Variants in PCDH17 observed in about 807,000 individuals in gnomAD.
The protein encoded by PCDH17 is protocadherin-17.
Under a neutral mutation model 67.7 loss-of-function variants are expected in PCDH17, and 21 were observed. The observed-to-expected ratio is 0.31, with a 90% CI of 0.22 to 0.45. PCDH17 has a LOEUF of 0.45. Among genes scored for constraint, PCDH17 ranks in the 20% least tolerant of loss-of-function variants. PCDH17 has a pLI of 1.00. For missense variants in PCDH17, 1,471 were observed against 1,564.8 expected, an observed-to-expected ratio of 0.94 and a Z score of 1.01; for synonymous variants, 701 against 656.7, an observed-to-expected ratio of 1.07 and a Z score of -1.03.
chr13:57,676,219 T>C (rs1412980413), intron 3 of PCDH17, among the ~76,000 whole-genome samples: 1 of 151,750 alleles, frequency 6.6e-6, no homozygotes, highest in Non-Finnish European at 1.5e-5. Context: ...CCAGAGATGC[T>C]AGGAAAAAAA....
At chr13:57,636,197 T>C (rs1954820696) in intron 1 of PCDH17, among the ~76,000 whole-genome samples, 1 of 152,176 alleles carries the variant, frequency 6.6e-6, no homozygotes, top group Non-Finnish European at 1.5e-5. Context: ...ACAGAAAAAC[T>C]TCATTCTTGC....
chr13:57,644,307 A>T (rs1954939513), intron 1 of PCDH17, among the ~76,000 whole-genome samples: 2 of 151,646 alleles, frequency 1.3e-5, no homozygotes, highest in African/African-American at 4.8e-5. Context: ...CTGATATCAG[A>T]TGTGCCAATA....
At chr13:57,696,641 G>A (rs1431307082) in intron 3 of PCDH17, among the ~76,000 whole-genome samples, 1 of 151,366 alleles carries the variant, frequency 6.6e-6, no homozygotes, top group African/African-American at 2.4e-5. Context: ...ACATTTCAAA[G>A]AATTAGTAAT....
intron 3 of PCDH17, among the ~76,000 whole-genome samples, chr13:57,707,334 C>CGTGTGTGT (rs56840875): frequency 0.011 from 1,578 of 145,786 alleles, 27 homozygotes; most frequent in East Asian, 0.069. Context: ...GATATATGAC[C>CGTGTGTGT]GTGTGTGTGT....
intron 1 of PCDH17, among the ~76,000 whole-genome samples, chr13:57,659,131 G>GTGTA (rs1555284149): frequency 0.19 from 29,152 of 150,570 alleles, 3,337 homozygotes; most frequent in African/African-American, 0.33. Flanking sequence ...GTGTGTGTGT[G>GTGTA]TATACACACA....
At position 57,725,647 on chromosome 13, in the gene PCDH17, C is replaced by T. The variant is rs866138399; in HGVS notation, c.*353C>T. ...ATGCAGTGTGAGAACTGAAGTATTTCTGATCACTCTCAGACTGTCCTCCGT... is the reference window on the plus strand; with the variant it reads ...ATGCAGTGTGAGAACTGAAGTATTTTTGATCACTCTCAGACTGTCCTCCGT... On this transcript the variant is annotated 3_prime_UTR_variant, in exon 4 of 4. Coordinates refer to ENST00000377918, the MANE Select transcript of PCDH17 (RefSeq NM_001040429.3). 4.8e-6 allele frequency: 1 copy of T among 207,802 alleles called. No homozygotes were observed. The highest frequency in any genetic ancestry group is 9.2e-5 in the South Asian group (1 of 10,818). 12.9% of individuals were successfully genotyped at this position (207,802 alleles called of 1,614,324 possible).
rs771208199 is a variant in PCDH17, at chr13:57,632,658, A to G, written c.112A>G (p.Ile38Val). The change falls in exon 1 of 4, where the codon ATC becomes GTC. Residue 38 changes from isoleucine (I) to valine (V), a missense_variant. Transcript: ENST00000377918. ...EQGAGTVIGN[I>V]GRDARLQPGL... is the part of the protein sequence containing the mutation. The stretch of plus-strand genomic sequence containing the variant: ...AGGGGCCGGCACGGTGATCGGGAAC[A>G]TCGGCAGGGATGCTCGACTGCAGCC... 2 of 1,612,380 alleles carry G rather than the reference A, an allele frequency of 1.2e-6. No homozygotes were observed. Among genetic ancestry groups the G allele is most frequent in the South Asian group, 1.1e-5 (1 of 91,090 alleles).
intron 3 of PCDH17, among the ~76,000 whole-genome samples, chr13:57,717,036 A>G (rs1168985424): frequency 6.6e-6 from 1 of 151,984 alleles, no homozygotes; most frequent in Non-Finnish European, 1.5e-5. Context: ...CTCTGTAAGC[A>G]TACTTTTCTC....
chr13:57,706,992 A>G (rs774558901), intron 3 of PCDH17, among the ~76,000 whole-genome samples: 6 of 152,050 alleles, frequency 3.9e-5, no homozygotes, highest in Non-Finnish European at 8.8e-5. Context: ...TTAATTATGT[A>G]ATTTTCTCAA....
At position 57,633,101 on chromosome 13, in the gene PCDH17, C is replaced by T. The variant is rs772918389; in HGVS notation, c.555C>T (p.Ser185=). 2.5e-6 allele frequency: 4 copies of T among 1,613,346 alleles called. No individual in the cohort carries two copies. Among genetic ancestry groups the T allele is most frequent in the Non-Finnish European group, 3.4e-6 (4 of 1,179,968 alleles). Residue 185 remains serine, a synonymous_variant, in exon 1 of 4, where the codon TCC becomes TCT. Transcript: ENST00000377918. The surrounding 1 kb of genome is among the most constrained non-coding windows in gnomAD (Gnocchi z 6.2). ...DHGLFGLDVK[S]RGDGTKFPEL... ...GCCTCTTTGGACTGGACGTTAAGTC[C>T]CGCGGCGACGGCACCAAGTTCCCAG...
rs78656853 is a variant in PCDH17, at chr13:57,696,722, C to G, written c.2798-27890C>G. On this transcript the variant is annotated intron_variant, in intron 3 of 3. Transcript: ENST00000377918. Reference sequence around the variant, plus strand: ...GGGGTTCTGTTTTTTAAGCAAAATGCCAGGTTTTACACATTTTGAGTATTA... The same window carrying G: ...GGGGTTCTGTTTTTTAAGCAAAATGGCAGGTTTTACACATTTTGAGTATTA... Among the ~76,000 whole-genome samples, 246 of 151,340 alleles carry G rather than the reference C, an allele frequency of 1.6e-3. 1 individual carries two copies. The highest frequency in any genetic ancestry group is 5.6e-3 in the African/African-American group (234 of 41,422).
At chr13:57,689,045 G>A (rs969350931) in intron 3 of PCDH17, among the ~76,000 whole-genome samples, 5 of 152,018 alleles carry the variant, frequency 3.3e-5, no homozygotes, top group Non-Finnish European at 7.4e-5. Context: ...TATTAGCGAA[G>A]AAATTCATTT....
intron 3 of PCDH17, among the ~76,000 whole-genome samples, chr13:57,670,139 T>A (rs900211356): frequency 6.6e-6 from 1 of 152,056 alleles, no homozygotes; most frequent in African/African-American, 2.4e-5. Flanking sequence ...AAACAATGTT[T>A]TATGCTATTC....
intron 1 of PCDH17, among the ~76,000 whole-genome samples, chr13:57,655,977 C>T (rs772553505): frequency 6.6e-6 from 1 of 151,948 alleles, no homozygotes; most frequent in African/African-American, 2.4e-5. Flanking sequence ...GTACAGCAAC[C>T]GACTGGTGCT....
At chr13:57,668,348 G>C (rs1319478900) in intron 3 of PCDH17, among the ~76,000 whole-genome samples, 1 of 151,990 alleles carries the variant, frequency 6.6e-6, no homozygotes, top group Non-Finnish European at 1.5e-5. Flanking sequence ...TACTACTTAT[G>C]AAAATGCCTA....
chr13:57,721,603 T>C (rs1189181215), intron 3 of PCDH17, among the ~76,000 whole-genome samples: 6 of 152,112 alleles, frequency 3.9e-5, no homozygotes, highest in African/African-American at 1.4e-4. Flanking sequence ...CAATAGAAGG[T>C]ACACGTGTCA....
At chr13:57,665,238 ATATCAAATAAACTATCATTCTTTAATG>A (rs200314459) in intron 1 of PCDH17, among the ~76,000 whole-genome samples, 2 of 131,154 alleles carry the variant, frequency 1.5e-5, no homozygotes, top group African/African-American at 6.0e-5. Flanking sequence ...TTCTTTAATG[ATATCAAATAAACTATCATTCTTTAATG>A]TATCAATACT....
intron 3 of PCDH17, among the ~76,000 whole-genome samples, chr13:57,703,755 G>A (rs977797412): frequency 4.6e-5 from 7 of 152,028 alleles, no homozygotes; most frequent in African/African-American, 1.7e-4. Flanking sequence ...TAGTACTGTA[G>A]TTCAGCCACC....
intron 1 of PCDH17, among the ~76,000 whole-genome samples, chr13:57,651,356 G>GTTTTTT (rs67207232): frequency 2.4e-5 from 2 of 84,100 alleles, no homozygotes; most frequent in Non-Finnish European, 4.5e-5. Context: ...TTTAATTGAG[G>GTTTTTT]TTTTTTTTTT....
Sources: gnomAD v4.1 joint callset for allele counts (sites outside exome capture counted in the v4.1 genomes callset) on GRCh38, gnomAD v4.1.1 for gene constraint, Gnocchi (gnomAD v3.1) non-coding constraint, MANE v1.5 for transcripts, NCBI Gene and HGNC (gene_info 2026-07-23, HGNC 2026-07-21) for gene names.